Variants in HOOK3 observed in about 807,000 individuals in gnomAD.
The protein encoded by HOOK3 is protein Hook homolog 3.
Under a neutral mutation model 116.3 loss-of-function variants are expected in HOOK3, and 24 were observed. The observed-to-expected ratio is 0.21, with a 90% CI of 0.15 to 0.29. The LOEUF is 0.29. Ranked by LOEUF, HOOK3 falls within the 10% of genes least tolerant of loss-of-function variation. The pLI, the probability that HOOK3 is intolerant of heterozygous loss-of-function variation, is 1.00. For synonymous variants in HOOK3, 275 were observed against 283.0 expected, an observed-to-expected ratio of 0.97 and a Z score of 0.28; for missense variants, 632 against 830.2, an observed-to-expected ratio of 0.76 and a Z score of 2.93.
chr8:43,021,894 C>T lies in HOOK3; in HGVS notation c.*3396C>T, dbSNP rs1030598927. 5 of 166,746 alleles carry T rather than the reference C, an allele frequency of 3.0e-5. No individual in the cohort carries two copies. The highest frequency in any genetic ancestry group is 7.2e-5 in the African/African-American group (3 of 41,686). 10.3% of individuals were successfully genotyped at this position (166,746 alleles called of 1,614,324 possible). On this transcript the variant is annotated 3_prime_UTR_variant, in exon 22 of 22. Coordinates refer to ENST00000307602, the MANE Select transcript of HOOK3 (RefSeq NM_032410.4). ...CCATGTTAGCCAGGATGGTCTCGAT[C>T]TCCTGACCTCGTGATCCACCCGCCT... is the stretch of plus-strand genomic sequence containing the variant.
At chr8:42,928,551 G>T (rs941925878) in intron 3 of HOOK3, among the ~76,000 whole-genome samples, 1 of 152,088 alleles carries the variant, frequency 6.6e-6, no homozygotes, top group Admixed American at 6.5e-5. Context: ...TTACTGGCTT[G>T]ATCAGAGAGA....
chr8:42,992,608 C>G (rs1014398381), intron 15 of HOOK3, among the ~76,000 whole-genome samples: 1 of 147,866 alleles, frequency 6.8e-6, no homozygotes, highest in African/African-American at 2.5e-5. Context: ...CCCAGCTACT[C>G]AGAGGGCTGA....
chr8:42,908,351 A>G (rs773071), intron 2 of HOOK3, among the ~76,000 whole-genome samples: 38,617 of 152,136 alleles, frequency 0.25, 7,165 homozygotes, highest in African/African-American at 0.52. Flanking sequence ...ACCCCAAATA[A>G]CCAAAGCAAT....
chr8:42,966,364 A>T, intron 9 of HOOK3, 109 bp from the exon 10 acceptor site: 1 of 1,118,362 alleles, frequency 8.9e-7, no homozygotes, highest in Non-Finnish European at 1.3e-6. Context: ...CATGGGAGAC[A>T]TACTCAAGAA....
chr8:42,949,908 T>C (rs894310386), intron 5 of HOOK3, among the ~76,000 whole-genome samples: 8 of 149,104 alleles, frequency 5.4e-5, no homozygotes, highest in Admixed American at 5.3e-4. Context: ...AGAGTGAGAC[T>C]CTGTCTAAAA....
chr8:42,946,174 C>A (rs752221892), intron 5 of HOOK3, among the ~76,000 whole-genome samples: 1 of 152,224 alleles, frequency 6.6e-6, no homozygotes, highest in Admixed American at 6.5e-5. Flanking sequence ...AAGTACCTGC[C>A]CTCAAGGAAC....
At chr8:42,929,983 A>G (rs1047030791) in intron 3 of HOOK3, 139 bp from the exon 4 acceptor site, 2 of 737,036 alleles carry the variant, frequency 2.7e-6, no homozygotes, top group African/African-American at 3.7e-5. Flanking sequence ...TGATAATTCA[A>G]ATATGCTTTT....
At chr8:42,926,131 A>G (rs1402955928) in intron 3 of HOOK3, among the ~76,000 whole-genome samples, 2 of 152,220 alleles carry the variant, frequency 1.3e-5, no homozygotes, top group African/African-American at 4.8e-5. Context: ...CAAAACTTAC[A>G]ATAAGAAAAA....
chr8:42,982,619 AT>A lies in HOOK3; in HGVS notation c.1322-5del. 1 of 1,591,992 alleles carries A rather than the reference AT, an allele frequency of 6.3e-7. No homozygotes were observed. The highest frequency in any genetic ancestry group is 1.1e-5 in the South Asian group (1 of 90,654). Reference sequence around the variant, plus strand: ...ATTAGCCTTATATTTATGTTTGTATATTTACAGGGTTAATGCCTCTTGGAAG... The same window carrying A: ...ATTAGCCTTATATTTATGTTTGTATATTACAGGGTTAATGCCTCTTGGAAG... On this transcript the variant is annotated splice_polypyrimidine_tract_variant and splice_region_variant and intron_variant, in intron 13 of 21. Transcript: ENST00000307602.
chr8:42,973,245 A>C, intron 11 of HOOK3, 44 bp from the exon 12 acceptor site: 1 of 1,553,896 alleles, frequency 6.4e-7, no homozygotes, highest in Non-Finnish European at 8.7e-7. Context: ...GATAATTTCT[A>C]ATGTCTCAGA....
chr8:42,969,904 C>G (rs924751335), intron 11 of HOOK3, among the ~76,000 whole-genome samples: 3 of 152,122 alleles, frequency 2.0e-5, no homozygotes, highest in African/African-American at 7.2e-5. Flanking sequence ...TCCTATGGAT[C>G]TATGACTTGT....
chr8:42,897,292 T>G, intron 1 of HOOK3, 104 bp downstream of exon 1: 1 of 660,846 alleles, frequency 1.5e-6, no homozygotes, highest in Non-Finnish European at 2.1e-6. Flanking sequence ...GACGGTGCCG[T>G]CACATCCGGG....
rs1808698937 is a variant in HOOK3 at position 42,970,034 on chromosome 8, A to G, written c.1122+1820A>G. 3.9e-5 allele frequency among the ~76,000 whole-genome samples: 6 copies of G among 152,212 alleles called. No homozygotes were observed. The South Asian group carries it at 6.2e-4, about 16-fold the overall frequency. On this transcript the variant is annotated intron_variant, in intron 11 of 21. Transcript: ENST00000307602. ...ATAAGGTTATAGTCTAATCTTCTCT[A>G]TTTTCTTTACAAAGATTTAAAGTTT...
intron 15 of HOOK3, among the ~76,000 whole-genome samples, chr8:42,989,457 T>C (rs1220348936): frequency 1.3e-5 from 2 of 152,170 alleles, no homozygotes; most frequent in Non-Finnish European, 2.9e-5. Context: ...GATGAACTTT[T>C]TATTTTTTTT....
At chr8:42,997,442 C>A in intron 15 of HOOK3, 108 bp from the exon 16 acceptor site, 1 of 655,560 alleles carries the variant, frequency 1.5e-6, no homozygotes, top group Non-Finnish European at 2.7e-6. Flanking sequence ...ACTGCTATAA[C>A]ATGAGACTTG....
At chr8:42,980,313 A>G (rs1277400086) in intron 13 of HOOK3, among the ~76,000 whole-genome samples, 1 of 152,026 alleles carries the variant, frequency 6.6e-6, no homozygotes, top group African/African-American at 2.4e-5. Flanking sequence ...TTTTTCTCTC[A>G]GCTCTGATAT....
chr8:42,947,503 T>C (rs988795344), intron 5 of HOOK3, among the ~76,000 whole-genome samples: 10 of 152,168 alleles, frequency 6.6e-5, no homozygotes, highest in Non-Finnish European at 1.5e-4. Flanking sequence ...TTATTGAAGT[T>C]CTCACTCAGA....
chr8:43,000,304 T>C (rs1419451449), intron 16 of HOOK3: 1 of 1,275,196 alleles, frequency 7.8e-7, no homozygotes, highest in African/African-American at 1.5e-5. Flanking sequence ...TTCATTTTTA[T>C]ATAGTGAGCA....
intron 15 of HOOK3, among the ~76,000 whole-genome samples, chr8:42,989,988 A>C (rs993945962): frequency 1.3e-5 from 2 of 151,694 alleles, no homozygotes; most frequent in Non-Finnish European, 2.9e-5. Flanking sequence ...TGTGCCTATT[A>C]ATTTTTTTAT....
Sources: gnomAD v4.1 joint callset for allele counts (sites outside exome capture counted in the v4.1 genomes callset) on GRCh38, gnomAD v4.1.1 for gene constraint, MANE v1.5 for transcripts, NCBI Gene and HGNC (gene_info 2026-07-23, HGNC 2026-07-21) for gene names.